Variants in LASP1 observed in about 807,000 individuals in gnomAD.
LASP1 encodes the protein LIM and SH3 domain protein 1.
A neutral mutation model predicts 38.6 loss-of-function variants in LASP1; 10 were observed. The observed-to-expected ratio is 0.26, with a 90% CI of 0.16 to 0.44. LASP1 has a LOEUF of 0.44. Ranked by LOEUF, LASP1 falls within the 20% of genes least tolerant of loss-of-function variation. The pLI is 1.00. For missense variants in LASP1, 243 were observed against 375.7 expected (o/e 0.65, Z 2.92); for synonymous variants, 132 against 140.8 (o/e 0.94, Z 0.44).
intron 3 of LASP1, among the ~76,000 whole-genome samples, chr17:38,895,706 C>T (rs184138567): frequency 2.6e-5 from 4 of 152,336 alleles, no homozygotes; most frequent in East Asian, 1.9e-4. Context: ...TTGGAGATTA[C>T]GTGTCTGCAT....
Position 38,919,303 on chromosome 17 carries a change from C to CCTAG in LASP1, c.*525_*526insCTAG. 4.1e-6 allele frequency: 1 copy of CCTAG among 241,160 alleles called. No individual in the cohort carries two copies. Among genetic ancestry groups the CCTAG allele is most frequent in the South Asian group, 1.5e-4 (1 of 6,612 alleles). 14.9% of individuals were successfully genotyped at this position (241,160 alleles called of 1,614,324 possible). On this transcript the variant is annotated 3_prime_UTR_variant, in exon 7 of 7. Transcript: ENST00000318008. ...TCTTTCTCAAAGAGGGGGCTCTGCC[C>CCTAG]ACCTGGGGTCTCTCTCCCTACCTCC...
chr17:38,901,491 A>G (rs2143797060), intron 4 of LASP1, among the ~76,000 whole-genome samples: 1 of 152,310 alleles, frequency 6.6e-6, no homozygotes, highest in East Asian at 1.9e-4. Context: ...GAAAGCAATT[A>G]CAGTCTGTCG....
Position 38,915,093 on chromosome 17 carries a change from A to G in LASP1, c.559A>G (p.Lys187Glu). The change falls in exon 6 of 7, where the codon AAG becomes GAG. Residue 187 changes from lysine to glutamate, a missense_variant. Transcript: ENST00000318008. ...GGTGGCCCAGTCCTATGGTGGCTAC[A>G]AGGAGCCTGCAGCCCCAGTCTCCAT... ...QPVAQSYGGY[K>E]EPAAPVSIQR... is the part of the protein sequence containing the mutation. 6.2e-7 allele frequency: 1 copy of G among 1,613,950 alleles called. No individual in the cohort carries two copies. The highest frequency in any genetic ancestry group is 8.5e-7 in the Non-Finnish European group (1 of 1,179,976).
At chr17:38,909,307 C>G (rs1431367535) in intron 4 of LASP1, among the ~76,000 whole-genome samples, 1 of 152,132 alleles carries the variant, frequency 6.6e-6, no homozygotes, top group East Asian at 1.9e-4. Context: ...CCAGTTTCCT[C>G]TCTGGAAAGT....
rs1915301788 is a variant in LASP1, at chr17:38,921,592, C to T, written c.*2814C>T. The T allele has an allele frequency of 1.3e-5, 3 of 232,754 alleles. No individual in the cohort carries two copies. Among genetic ancestry groups the T allele is most frequent in the African/African-American group, 2.2e-5 (1 of 45,198 alleles). 14.4% of individuals were successfully genotyped at this position (232,754 alleles called of 1,614,324 possible). On this transcript the variant is annotated 3_prime_UTR_variant, in exon 7 of 7. Transcript: ENST00000318008. ...TATGTGTGTGAGTGTGTGAAGCCGC[C>T]AGTTCATCTTTTTATATGGGGTTGT...
At chr17:38,877,086 C>A (rs1913803040) in intron 1 of LASP1, among the ~76,000 whole-genome samples, 1 of 152,220 alleles carries the variant, frequency 6.6e-6, no homozygotes, top group Non-Finnish European at 1.5e-5. Context: ...CACACAATCT[C>A]CAGTGTGAGC....
chr17:38,919,033 A>AGGGCAAGGCCCGTGG lies in LASP1; in HGVS notation c.*257_*258insGCAAGGCCCGTGGGG, dbSNP rs11270367. On this transcript the variant is annotated 3_prime_UTR_variant, in exon 7 of 7. Coordinates refer to ENST00000318008, the MANE Select transcript of LASP1 (RefSeq NM_006148.4). ...GAACGGGCATGGGCCTCTCTGGGGG[A>AGGGCAAGGCCCGTGG]GGCAGGGCTGGAATGGGAGACCTGT... 1.9e-6 allele frequency: 1 copy of AGGGCAAGGCCCGTGG among 532,764 alleles called. No individual in the cohort carries two copies. The highest frequency in any genetic ancestry group is 3.4e-5 in the Admixed American group (1 of 29,178). 33.0% of individuals were successfully genotyped at this position (532,764 alleles called of 1,614,324 possible).
Position 38,921,405 on chromosome 17 carries a change from T to C in LASP1, c.*2627T>C, listed in dbSNP as rs1193530613. ...CATGTCCCTCCAGGGAAAATGACTTTATTGCTTAATTTCTGCCTTTCCCCC... is the reference window on the plus strand; with the variant it reads ...CATGTCCCTCCAGGGAAAATGACTTCATTGCTTAATTTCTGCCTTTCCCCC... On this transcript the variant is annotated 3_prime_UTR_variant, in exon 7 of 7. Coordinates refer to ENST00000318008, the MANE Select transcript of LASP1 (RefSeq NM_006148.4). 1.3e-5 allele frequency: 3 copies of C among 232,638 alleles called. No individual in the cohort carries two copies. The highest frequency in any genetic ancestry group is 2.6e-5 in the Non-Finnish European group (3 of 117,460). 14.4% of individuals were successfully genotyped at this position (232,638 alleles called of 1,614,324 possible).
intron 3 of LASP1, among the ~76,000 whole-genome samples, chr17:38,891,546 G>A (rs1005939234): frequency 1.7e-4 from 26 of 152,142 alleles, no homozygotes; most frequent in African/African-American, 6.0e-4. Context: ...TGAGGGACTA[G>A]CTGAGGTCCT....
chr17:38,872,328 A>T (rs1913634176), intron 1 of LASP1, among the ~76,000 whole-genome samples: 1 of 152,112 alleles, frequency 6.6e-6, no homozygotes, highest in Admixed American at 6.5e-5. Context: ...AGTGCCGTGT[A>T]CCCGAGGGGA....
rs566442320 is a variant in LASP1, at chr17:38,879,564, GT to G, written c.164+1398del. Among the ~76,000 whole-genome samples the G allele has an allele frequency of 1.5e-3, 206 of 135,840 alleles. 1 individual carries two copies. The highest frequency in any genetic ancestry group is 2.9e-3 in the African/African-American group (106 of 37,008). 89.1% of individuals were successfully genotyped at this position (135,840 alleles called of 152,430 possible). On this transcript the variant is annotated intron_variant, in intron 2 of 6. Transcript: ENST00000318008. ...GAATTTAGGATCTGACTTGAGTCCAGTTTTTTTTTTTTTTCTCTTAATTCTC... is the reference window on the plus strand; with the variant it reads ...GAATTTAGGATCTGACTTGAGTCCAGTTTTTTTTTTTTTCTCTTAATTCTC...
chr17:38,900,165 C>T (rs1914598395), intron 4 of LASP1, among the ~76,000 whole-genome samples: 1 of 124,776 alleles, frequency 8.0e-6, no homozygotes, highest in Non-Finnish European at 1.6e-5. Flanking sequence ...GAGTTTGAGA[C>T]TAGCCTGGGC....
chr17:38,875,237 G>A lies in LASP1; in HGVS notation c.70-2849G>A, dbSNP rs1913734115. On this transcript the variant is annotated intron_variant, in intron 1 of 6. Transcript: ENST00000318008. ...GGCCAGCAGACTGGGTGGTGACCAG[G>A]CTGGGGCACCCTGCCAATGCCTCCC... Among the ~76,000 whole-genome samples the A allele has an allele frequency of 2.0e-5, 3 of 152,256 alleles. No homozygotes were observed. In the South Asian group the frequency reaches 6.2e-4, roughly 32 times the overall value.
intron 3 of LASP1, chr17:38,896,836 C>A: frequency 1.1e-6 from 1 of 878,482 alleles, no homozygotes; most frequent in Non-Finnish European, 1.4e-6. Flanking sequence ...GGCTTTGTGC[C>A]CAGACTTGGT....
At chr17:38,910,840 A>G (rs1166905997) in intron 4 of LASP1, among the ~76,000 whole-genome samples, 1 of 151,556 alleles carries the variant, frequency 6.6e-6, no homozygotes, top group Non-Finnish European at 1.5e-5. Context: ...CTCGTGCCTC[A>G]GCCTTCCGAG....
rs1215571708 is a variant in LASP1 at position 38,914,711 on chromosome 17, C to CACAT, written c.508+237_508+240dup. ...ACACACACACACACACACACACACA[C>CACAT]ACATGCACGCACGCATGCAGGCGAG... On this transcript the variant is annotated intron_variant, in intron 5 of 6. Coordinates refer to ENST00000318008, the MANE Select transcript of LASP1 (RefSeq NM_006148.4). Among the ~76,000 whole-genome samples the CACAT allele has an allele frequency of 9.2e-5, 13 of 141,214 alleles. 1 individual carries two copies. In the South Asian group the frequency reaches 2.7e-3, roughly 29 times the overall value. The allele number at this position is 141,214 out of a possible 152,430, so 92.6% of individuals were successfully genotyped here. A position where few individuals can be genotyped will look rare whatever the true frequency, so the allele number is the denominator to read the frequency against.
chr17:38,913,342 G>T (rs946904531), intron 4 of LASP1, among the ~76,000 whole-genome samples: 1 of 152,160 alleles, frequency 6.6e-6, no homozygotes, highest in Non-Finnish European at 1.5e-5. Flanking sequence ...ACAATGTCCC[G>T]CCCTCAGGGA....
rs71352324 is a variant in LASP1 at position 38,918,139 on chromosome 17, CA to C, written c.613-449del. Reference sequence around the variant, plus strand: ...TGGGTGACAAAGCAAGACTCCATCTCAAAAAAAAAAAAAAAAAGAGGGAGTT... The same window carrying C: ...TGGGTGACAAAGCAAGACTCCATCTCAAAAAAAAAAAAAAAAGAGGGAGTT... On this transcript the variant is annotated intron_variant, in intron 6 of 6. Coordinates refer to ENST00000318008, the MANE Select transcript of LASP1 (RefSeq NM_006148.4). This position sits in a 1 kb window ranked among gnomAD's most constrained non-coding sequence, Gnocchi z 4.4. 0.015 allele frequency among the ~76,000 whole-genome samples: 1,397 copies of C among 94,980 alleles called. 23 individuals carry two copies. The highest frequency in any genetic ancestry group is 0.093 in the East Asian group (346 of 3,708). The allele number at this position is 94,980 out of a possible 152,430, so 62.3% of individuals were successfully genotyped here.
rs1187901187 is a variant in LASP1, at chr17:38,896,995, C to G, written c.250-1417C>G. The G allele has an allele frequency of 6.1e-6, 6 of 985,334 alleles. No homozygotes were observed. The East Asian group carries it at 5.7e-4, about 93-fold the overall frequency. The allele number at this position is 985,334 out of a possible 1,614,324, so 61.0% of individuals were successfully genotyped here. A position where few individuals can be genotyped will look rare whatever the true frequency, so the allele number is the denominator to read the frequency against. ...TGAGTGCCCTACCTTCCCCGATGCC[C>G]GCTTCCCAAAGGGCCTCCCACTAAG... On this transcript the variant is annotated intron_variant, in intron 3 of 6. Transcript: ENST00000318008.
Sources: allele counts gnomAD v4.1 joint callset (sites outside exome capture counted in the v4.1 genomes callset), GRCh38; gene constraint gnomAD v4.1.1; non-coding constraint Gnocchi (gnomAD v3.1); transcripts MANE v1.5; gene names NCBI Gene and HGNC (gene_info 2026-07-23, HGNC 2026-07-21).